Variants in CSGALNACT1 observed in about 807,000 individuals in gnomAD.
The protein encoded by CSGALNACT1 is beta4GalNAcT-1.
A neutral mutation model predicts 51.0 loss-of-function variants in CSGALNACT1; 52 were observed. The observed-to-expected ratio is 1.02, with a 90% confidence interval of 0.82 to 1.29. The LOEUF (loss-of-function observed/expected upper bound fraction) is 1.29, where lower values mean the gene tolerates loss of function less well. Among genes scored for constraint, CSGALNACT1 ranks in the 50% most tolerant of loss-of-function variants. CSGALNACT1 has a pLI of 0.00. For synonymous variants in CSGALNACT1, 341 were observed against 254.4 expected, an observed-to-expected ratio of 1.34 and a Z score of -3.24; for missense variants, 935 against 679.2, an observed-to-expected ratio of 1.38 and a Z score of -4.19.
At chr8:19,416,128 T>TTC (rs1405806271) in intron 8 of CSGALNACT1, among the ~76,000 whole-genome samples, 1 of 150,444 alleles carries the variant, frequency 6.6e-6, no homozygotes, top group African/African-American at 2.4e-5. Flanking sequence ...TTTTTTTTTT[T>TTC]TTCTGAGACA....
intron 1 of CSGALNACT1, among the ~76,000 whole-genome samples, chr8:19,743,389 T>G (rs1022180605): frequency 6.6e-6 from 1 of 152,194 alleles, no homozygotes; most frequent in Non-Finnish European, 1.5e-5. Context: ...GAAAGTACTA[T>G]GAACATCTCA....
intron 1 of CSGALNACT1, among the ~76,000 whole-genome samples, chr8:19,667,980 A>C (rs776368195): frequency 9.2e-5 from 14 of 152,236 alleles, no homozygotes; most frequent in Non-Finnish European, 1.8e-4. Context: ...GTGAAGTTGA[A>C]CTGAAGGAAA....
intron 1 of CSGALNACT1, among the ~76,000 whole-genome samples, chr8:19,733,667 G>A (rs912616760): frequency 7.9e-5 from 12 of 152,258 alleles, no homozygotes; most frequent in South Asian, 6.2e-4. Context: ...AAGAATGCCC[G>A]TGCTAAATTA....
At chr8:19,663,765 C>T (rs566190423) in intron 1 of CSGALNACT1, among the ~76,000 whole-genome samples, 62 of 152,346 alleles carry the variant, frequency 4.1e-4, no homozygotes, top group African/African-American at 1.5e-3. Flanking sequence ...CAAACAGTTT[C>T]AATTCATCAA....
intron 1 of CSGALNACT1, among the ~76,000 whole-genome samples, chr8:19,655,579 C>CACATATAT: frequency 8.9e-6 from 1 of 111,912 alleles, no homozygotes; most frequent in South Asian, 3.5e-4. Context: ...CACACACACA[C>CACATATAT]ATATATATAT....
chr8:19,411,833 CTTTT>C (rs35593808), intron 8 of CSGALNACT1, among the ~76,000 whole-genome samples: 21 of 135,608 alleles, frequency 1.5e-4, no homozygotes, highest in African/African-American at 4.5e-4. Flanking sequence ...CACTATCCTC[CTTTT>C]TTTTTTTTTT....
At chr8:19,633,974 C>T (rs1001872852) in intron 1 of CSGALNACT1, among the ~76,000 whole-genome samples, 5 of 152,160 alleles carry the variant, frequency 3.3e-5, no homozygotes, top group Non-Finnish European at 7.3e-5. Context: ...TGCCTTCCTA[C>T]TTTCACTTAA....
At chr8:19,599,458 G>C (rs1489562080) in intron 2 of CSGALNACT1, among the ~76,000 whole-genome samples, 22 of 74,122 alleles carry the variant, frequency 3.0e-4, no homozygotes, top group Non-Finnish European at 5.5e-4. Context: ...AAAAAGAAAA[G>C]AAAGAAAGAA....
At chr8:19,655,559 T>TGC (rs1564359796) in intron 1 of CSGALNACT1, among the ~76,000 whole-genome samples, 5,758 of 140,680 alleles carry the variant, frequency 0.041, 393 homozygotes, top group African/African-American at 0.14. Context: ...CACATATATA[T>TGC]ACACACACAC....
rs1430412908 is a variant in CSGALNACT1 at position 19,522,589 on chromosome 8, C to T, written c.-296-16459G>A. ...CATTAGGTCTGGGGACAATAGATTC[C>T]ATAGTTGTACACATGGGGCTGCAAG... is the stretch of plus-strand genomic sequence containing the variant. On this transcript the variant is annotated intron_variant, in intron 3 of 9. Coordinates refer to ENST00000454498, the Ensembl canonical transcript of CSGALNACT1. 5.3e-5 allele frequency among the ~76,000 whole-genome samples: 8 copies of T among 152,200 alleles called. No homozygotes were observed. In the South Asian group the frequency reaches 1.7e-3, roughly 32 times the overall value.
intron 1 of CSGALNACT1, among the ~76,000 whole-genome samples, chr8:19,713,078 A>G (rs2062603845): frequency 6.6e-6 from 1 of 152,158 alleles, no homozygotes; most frequent in African/African-American, 2.4e-5. Context: ...ACATTGCCTG[A>G]TTACTCTCCA....
intron 5 of CSGALNACT1, among the ~76,000 whole-genome samples, chr8:19,449,349 A>G (rs2062680655): frequency 6.6e-6 from 1 of 152,182 alleles, no homozygotes; most frequent in African/African-American, 2.4e-5. Flanking sequence ...GAAATGGCCT[A>G]TGGGAGAGGT....
chr8:19,518,779 C>G (rs1212735451), intron 3 of CSGALNACT1, among the ~76,000 whole-genome samples: 1 of 152,206 alleles, frequency 6.6e-6, no homozygotes, highest in Non-Finnish European at 1.5e-5. Flanking sequence ...AGCACAGGCC[C>G]TAAGCAGATT....
intron 2 of CSGALNACT1, among the ~76,000 whole-genome samples, chr8:19,598,100 T>C (rs576245858): frequency 3.3e-5 from 5 of 152,036 alleles, no homozygotes; most frequent in Non-Finnish European, 5.9e-5. Context: ...GAATAAGACA[T>C]GGAGGAGAGA....
chr8:19,747,214 C>T (rs2064729741), intron 1 of CSGALNACT1, among the ~76,000 whole-genome samples: 1 of 151,984 alleles, frequency 6.6e-6, no homozygotes. Flanking sequence ...CAAATAATTC[C>T]TGCAGTTGGT....
rs112481606 is a variant in CSGALNACT1, at chr8:19,539,888, A to G, written c.-296-33758T>C. On this transcript the variant is annotated intron_variant, in intron 3 of 9. Coordinates refer to ENST00000454498, the Ensembl canonical transcript of CSGALNACT1. Reference sequence around the variant, plus strand: ...TGGAGGGAGGGGGACAGGAGGGGAGATACCTATGAGGTAGCCTGGAAAGAA... The same window carrying G: ...TGGAGGGAGGGGGACAGGAGGGGAGGTACCTATGAGGTAGCCTGGAAAGAA... 3.3e-3 allele frequency among the ~76,000 whole-genome samples: 504 copies of G among 152,226 alleles called. 3 individuals are homozygous for G. Among genetic ancestry groups the G allele is most frequent in the African/African-American group, 0.012 (486 of 41,542 alleles).
At chr8:19,437,702 A>G (rs2060608486) in intron 6 of CSGALNACT1, among the ~76,000 whole-genome samples, 1 of 152,214 alleles carries the variant, frequency 6.6e-6, no homozygotes, top group Non-Finnish European at 1.5e-5. Flanking sequence ...AGGTATAGGT[A>G]TATACATACA....
intron 1 of CSGALNACT1, among the ~76,000 whole-genome samples, chr8:19,693,025 C>T (rs1384412525): frequency 6.6e-6 from 1 of 152,228 alleles, no homozygotes; most frequent in Non-Finnish European, 1.5e-5. Flanking sequence ...CATCAGCACA[C>T]CTGCCAGGAG....
At chr8:19,655,984 T>C (rs2058238005) in intron 1 of CSGALNACT1, among the ~76,000 whole-genome samples, 1 of 152,066 alleles carries the variant, frequency 6.6e-6, no homozygotes, top group Non-Finnish European at 1.5e-5. Flanking sequence ...TCTCAGAGGA[T>C]AGAGTATTTC....
Sources: gnomAD v4.1 joint callset for allele counts (sites outside exome capture counted in the v4.1 genomes callset) on GRCh38, gnomAD v4.1.1 for gene constraint, MANE v1.5 for transcripts, NCBI Gene and HGNC (gene_info 2026-07-23, HGNC 2026-07-21) for gene names.